Variants in CREB5 observed in about 807,000 individuals in gnomAD.
CREB5 encodes the protein cAMP responsive element binding protein 5.
In CREB5, 19 loss-of-function variants were observed where a neutral mutation model predicts 57.1. The ratio of observed to expected loss-of-function variants is 0.33; its 90% CI spans 0.23 to 0.49. The LOEUF is 0.49. Ranked by LOEUF, CREB5 falls within the 20% of genes least tolerant of loss-of-function variation. The pLI, the probability that CREB5 is intolerant of heterozygous loss-of-function variation, is 0.99. For synonymous variants in CREB5, 238 were observed against 238.3 expected (o/e 1.00, Z 0.01); for missense variants, 579 against 671.6 (o/e 0.86, Z 1.52).
At chr7:28,659,777 A>G (rs1583494727) in intron 5 of CREB5, among the ~76,000 whole-genome samples, 1 of 152,218 alleles carries the variant, frequency 6.6e-6, no homozygotes, top group Non-Finnish European at 1.5e-5. Flanking sequence ...TGACAAACTG[A>G]GTCCATATGC....
chr7:28,671,280 G>A (rs955832361), intron 5 of CREB5, among the ~76,000 whole-genome samples: 2 of 151,436 alleles, frequency 1.3e-5, no homozygotes, highest in African/African-American at 2.4e-5. Context: ...AAAAAAGTGT[G>A]TACTAAATTG....
chr7:28,672,868 A>G (rs1325464457), intron 5 of CREB5, among the ~76,000 whole-genome samples: 1 of 152,198 alleles, frequency 6.6e-6, no homozygotes, highest in Non-Finnish European at 1.5e-5. Context: ...ACACTGTGTG[A>G]GATTGTATTA....
intron 5 of CREB5, among the ~76,000 whole-genome samples, chr7:28,710,186 A>G (rs141850029): frequency 3.9e-5 from 6 of 152,340 alleles, no homozygotes; most frequent in Non-Finnish European, 7.3e-5. Flanking sequence ...CTTTTCAAGA[A>G]CAGAAATGAG....
At chr7:28,683,252 A>G (rs1387135464) in intron 5 of CREB5, among the ~76,000 whole-genome samples, 1 of 152,134 alleles carries the variant, frequency 6.6e-6, no homozygotes, top group Non-Finnish European at 1.5e-5. Flanking sequence ...CTTTTTGGGA[A>G]CAGGATCTTG....
chr7:28,543,578 TAAAAAAAAAA>T (rs34533813), intron 4 of CREB5, among the ~76,000 whole-genome samples: 2 of 92,354 alleles, frequency 2.2e-5, no homozygotes, highest in Non-Finnish European at 4.4e-5. Flanking sequence ...TCATTTTAGG[TAAAAAAAAAA>T]AAAAAAAAAA....
chr7:28,451,168 A>G (rs931115572), intron 1 of CREB5, among the ~76,000 whole-genome samples: 2 of 152,188 alleles, frequency 1.3e-5, no homozygotes, highest in African/African-American at 4.8e-5. Flanking sequence ...AAGTAAAATT[A>G]TGATTCAGAG....
At chr7:28,800,121 CAAATT>C (rs1014865653) in intron 7 of CREB5, among the ~76,000 whole-genome samples, 12 of 152,160 alleles carry the variant, frequency 7.9e-5, no homozygotes, top group African/African-American at 2.9e-4. Context: ...TAATCATACT[CAAATT>C]ATATCGCTAC....
chr7:28,351,332 T>A (rs896202128), intron 1 of CREB5, among the ~76,000 whole-genome samples: 1 of 152,168 alleles, frequency 6.6e-6, no homozygotes, highest in African/African-American at 2.4e-5. Flanking sequence ...CCTCTTCCAC[T>A]CACAGGAGAT....
At position 28,588,036 on chromosome 7, in the gene CREB5, C is replaced by A. The variant is rs376073395; in HGVS notation, c.464+17499C>A. Among the ~76,000 whole-genome samples, 11 of 152,216 alleles carry A rather than the reference C, an allele frequency of 7.2e-5. No individual in the cohort carries two copies. The East Asian group carries it at 9.7e-4, about 13-fold the overall frequency. The stretch of plus-strand genomic sequence containing the variant: ...GGCTGTTTGGGGCCAACTCTCTGTG[C>A]AATATCATGTTCTTGACACAAAGGG... On this transcript the variant is annotated intron_variant, in intron 5 of 10. Transcript: ENST00000357727.
At chr7:28,354,594 C>A (rs1469327117) in intron 1 of CREB5, among the ~76,000 whole-genome samples, 1 of 152,098 alleles carries the variant, frequency 6.6e-6, no homozygotes, top group Non-Finnish European at 1.5e-5. Flanking sequence ...TCCAGAGAAC[C>A]CTGACTAATA....
intron 5 of CREB5, among the ~76,000 whole-genome samples, chr7:28,629,588 C>A (rs1798127607): frequency 6.6e-6 from 1 of 152,136 alleles, no homozygotes; most frequent in Admixed American, 6.5e-5. Flanking sequence ...AACACGTTGG[C>A]CTTCTAGGGT....
intron 1 of CREB5, among the ~76,000 whole-genome samples, chr7:28,441,927 T>G (rs1002576477): frequency 6.6e-6 from 1 of 152,162 alleles, no homozygotes; most frequent in Non-Finnish European, 1.5e-5. Context: ...ACCACAAACA[T>G]TTATCATTTC....
Position 28,825,774 on chromosome 7 carries a change from C to G in CREB5, c.*6495C>G, listed in dbSNP as rs1810027675. The G allele has an allele frequency of 2.0e-5, 3 of 152,626 alleles. No individual in the cohort carries two copies. The highest frequency in any genetic ancestry group is 4.4e-5 in the Non-Finnish European group (3 of 68,036). The allele number at this position is 152,626 out of a possible 1,614,324, so 9.5% of individuals were successfully genotyped here. Reference sequence around the variant, plus strand: ...CCAATGGACAATGAGTTCATTAAGACTGTTCAACTAGGTCAGATTTTTACA... The same window carrying G: ...CCAATGGACAATGAGTTCATTAAGAGTGTTCAACTAGGTCAGATTTTTACA... On this transcript the variant is annotated 3_prime_UTR_variant, in exon 11 of 11. Coordinates refer to ENST00000357727, the MANE Select transcript of CREB5 (RefSeq NM_182898.4).
intron 5 of CREB5, among the ~76,000 whole-genome samples, chr7:28,644,909 A>C (rs1438995906): frequency 6.6e-6 from 1 of 152,152 alleles, no homozygotes; most frequent in African/African-American, 2.4e-5. Context: ...AGCACACAAA[A>C]TCCAATGAGT....
intron 5 of CREB5, among the ~76,000 whole-genome samples, chr7:28,585,631 T>C (rs1026487016): frequency 1.3e-5 from 2 of 152,192 alleles, no homozygotes; most frequent in African/African-American, 4.8e-5. Flanking sequence ...ATTCCCTGGC[T>C]CTGAGTGATT....
intron 1 of CREB5, among the ~76,000 whole-genome samples, chr7:28,354,376 G>T (rs1176578161): frequency 6.6e-6 from 1 of 152,148 alleles, no homozygotes; most frequent in Non-Finnish European, 1.5e-5. Context: ...GGTTAGATTG[G>T]CCTAGCCTCC....
At chr7:28,321,196 G>A (rs540845022) in intron 1 of CREB5, among the ~76,000 whole-genome samples, 59 of 152,188 alleles carry the variant, frequency 3.9e-4, no homozygotes, top group Non-Finnish European at 5.4e-4. Flanking sequence ...CCTAATGCAA[G>A]CATTGTCTTT....
chr7:28,712,451 T>C (rs996085145), intron 5 of CREB5, among the ~76,000 whole-genome samples: 51 of 147,530 alleles, frequency 3.5e-4, no homozygotes, highest in African/African-American at 1.2e-3. Context: ...GAGGTTGCAG[T>C]GAGCCAAGAT....
At position 28,533,861 on chromosome 7, in the gene CREB5, C is replaced by G. The variant is rs553013074; in HGVS notation, c.291+26124C>G. Among the ~76,000 whole-genome samples the G allele has an allele frequency of 5.7e-4, 87 of 152,066 alleles. 1 individual carries two copies. In the South Asian group the frequency reaches 8.3e-3, roughly 15 times the overall value. On this transcript the variant is annotated intron_variant, in intron 4 of 10. Coordinates refer to ENST00000357727, the MANE Select transcript of CREB5 (RefSeq NM_182898.4). ...CTTCCTCCTCTTCTCCTAAATGGTG[C>G]TACATAGGCTGGCTTAACATCTTTT...
Sources: allele counts gnomAD v4.1 joint callset (sites outside exome capture counted in the v4.1 genomes callset), GRCh38; gene constraint gnomAD v4.1.1; transcripts MANE v1.5; gene names NCBI Gene and HGNC (gene_info 2026-07-23, HGNC 2026-07-21).